The following ADRA1D variants were observed in gnomAD, a reference collection of about 807,000 sequenced individuals.
ADRA1D encodes the protein alpha-1D adrenergic receptor.
A neutral mutation model predicts 18.6 loss-of-function variants in ADRA1D; 22 were observed. That is an observed-to-expected ratio of 1.19 (90% confidence interval 0.85 to 1.69). The LOEUF is 1.69. Ranked by LOEUF, ADRA1D falls within the 40% of genes most tolerant of loss-of-function variation. The pLI is 0.00. For synonymous variants in ADRA1D, 376 were observed against 388.2 expected (o/e 0.97, Z 0.37); for missense variants, 840 against 840.7 (o/e 1.00, Z 0.01).
rs58789310 is a variant in ADRA1D at position 4,222,218 on chromosome 20, G to A, written c.1112-88C>T. 2.7e-6 allele frequency: 4 copies of A among 1,509,208 alleles called. No individual in the cohort carries two copies. Among genetic ancestry groups the A allele is most frequent in the Non-Finnish European group, 3.5e-6 (4 of 1,131,394 alleles). The allele number at this position is 1,509,208 out of a possible 1,614,324, so 93.5% of individuals were successfully genotyped here. ...GGCGCAAAGGGGAGACCCTTCAGTAGCCTTGGCTGAGTCATTGACTAGGAG... is the reference window on the plus strand; with the variant it reads ...GGCGCAAAGGGGAGACCCTTCAGTAACCTTGGCTGAGTCATTGACTAGGAG... On this transcript the variant is annotated intron_variant, in intron 1 of 1. Transcript: ENST00000379453. This position sits in a 1 kb window ranked among gnomAD's most constrained non-coding sequence, Gnocchi z 4.3.
chr20:4,237,262 G>A (rs961927118), intron 1 of ADRA1D, among the ~76,000 whole-genome samples: 3 of 152,054 alleles, frequency 2.0e-5, no homozygotes, highest in Non-Finnish European at 4.4e-5. Context: ...GAGACCCCTA[G>A]CTAGATGTGG....
chr20:4,222,272 G>A lies in ADRA1D; in HGVS notation c.1112-142C>T. 3 of 1,188,532 alleles carry A rather than the reference G, an allele frequency of 2.5e-6. No individual in the cohort carries two copies. The highest frequency in any genetic ancestry group is 3.4e-6 in the Non-Finnish European group (3 of 884,598). 73.6% of individuals were successfully genotyped at this position (1,188,532 alleles called of 1,614,324 possible). The stretch of plus-strand genomic sequence containing the variant: ...TCAAGGGATCCGTGCTGTAAATCAG[G>A]AGGTCCATGAACTTGGATAGAGAAA... On this transcript the variant is annotated intron_variant, in intron 1 of 1. Transcript: ENST00000379453. The surrounding 1 kb of genome is among the most constrained non-coding windows in gnomAD (Gnocchi z 4.3).
chr20:4,234,214 G>A (rs531215812), intron 1 of ADRA1D, among the ~76,000 whole-genome samples: 1 of 152,240 alleles, frequency 6.6e-6, no homozygotes, highest in Admixed American at 6.5e-5. Flanking sequence ...TGCAGGAGCT[G>A]CTGGGACGCT....
At chr20:4,236,504 A>G (rs1219699924) in intron 1 of ADRA1D, among the ~76,000 whole-genome samples, 1 of 152,182 alleles carries the variant, frequency 6.6e-6, no homozygotes, top group Admixed American at 6.5e-5. Context: ...CAGAGATGCC[A>G]CTTGCCAAGA....
chr20:4,246,579 G>A (rs1981341103), intron 1 of ADRA1D, among the ~76,000 whole-genome samples: 1 of 151,022 alleles, frequency 6.6e-6, no homozygotes, highest in Non-Finnish European at 1.5e-5. Flanking sequence ...GGAGGGCAGA[G>A]AGGGAGATGG....
chr20:4,233,277 AT>A (rs1308554824), intron 1 of ADRA1D, among the ~76,000 whole-genome samples: 1 of 152,116 alleles, frequency 6.6e-6, no homozygotes, highest in Non-Finnish European at 1.5e-5. Context: ...CCTGGGTAAC[AT>A]AGTAAAACTC....
At chr20:4,230,964 T>C (rs752692226) in intron 1 of ADRA1D, among the ~76,000 whole-genome samples, 2 of 152,234 alleles carry the variant, frequency 1.3e-5, no homozygotes, top group Non-Finnish European at 2.9e-5. Context: ...TCTATGTGAC[T>C]CTTGGTTTCT....
intron 1 of ADRA1D, among the ~76,000 whole-genome samples, chr20:4,234,832 C>T (rs898265695): frequency 2.0e-5 from 3 of 152,178 alleles, no homozygotes; most frequent in Non-Finnish European, 2.9e-5. Flanking sequence ...AAATTCCAGG[C>T]AGAGGGAAGA....
intron 1 of ADRA1D, among the ~76,000 whole-genome samples, chr20:4,245,999 A>G (rs1981328899): frequency 6.6e-6 from 1 of 152,228 alleles, no homozygotes; most frequent in Non-Finnish European, 1.5e-5. Flanking sequence ...ATGGCCCTAT[A>G]GATAGGCATG....
chr20:4,242,844 CA>C (rs1449055809), intron 1 of ADRA1D, among the ~76,000 whole-genome samples: 2 of 151,648 alleles, frequency 1.3e-5, no homozygotes, highest in African/African-American at 4.8e-5. Flanking sequence ...CTAGGAGTGA[CA>C]GGGGTGGGGC....
At chr20:4,238,604 C>T (rs1981149931) in intron 1 of ADRA1D, among the ~76,000 whole-genome samples, 1 of 152,148 alleles carries the variant, frequency 6.6e-6, no homozygotes, top group African/African-American at 2.4e-5. Context: ...TGAGGGCTGC[C>T]TCGAGGCAGC....
chr20:4,235,553 T>G (rs1981068788), intron 1 of ADRA1D, among the ~76,000 whole-genome samples: 1 of 152,276 alleles, frequency 6.6e-6, no homozygotes, highest in Admixed American at 6.5e-5. Context: ...GCTGCAGTTC[T>G]GCCCCACGGC....
At chr20:4,245,966 AC>A (rs1981327471) in intron 1 of ADRA1D, among the ~76,000 whole-genome samples, 1 of 152,192 alleles carries the variant, frequency 6.6e-6, no homozygotes, top group African/African-American at 2.4e-5. Context: ...TTGAGTATCC[AC>A]TACAAAAGCT....
Position 4,235,152 on chromosome 20 carries a change from G to T in ADRA1D, c.1111+12695C>A, listed in dbSNP as rs77573772. Among the ~76,000 whole-genome samples, 751 of 152,320 alleles carry T rather than the reference G, an allele frequency of 4.9e-3. 16 individuals are homozygous for T. In the East Asian group the frequency reaches 0.063, roughly 13 times the overall value. ...GGTAACTGACAGGGTCCTTTCACTT[G>T]AGATGCGCCGGGTGTAGGTCAGAAG... On this transcript the variant is annotated intron_variant, in intron 1 of 1. Coordinates refer to ENST00000379453, the MANE Select transcript of ADRA1D (RefSeq NM_000678.4).
chr20:4,230,957 A>T (rs777907863), intron 1 of ADRA1D, among the ~76,000 whole-genome samples: 1 of 151,874 alleles, frequency 6.6e-6, no homozygotes, highest in Non-Finnish European at 1.5e-5. Context: ...CATCTACTCT[A>T]TGTGACTCTT....
chr20:4,222,140 G>A lies in ADRA1D; in HGVS notation c.1112-10C>T, dbSNP rs1038888440. 1 of 1,611,424 alleles carries A rather than the reference G, an allele frequency of 6.2e-7. No homozygotes were observed. Among genetic ancestry groups the A allele is most frequent in the South Asian group, 1.1e-5 (1 of 91,020 alleles). On this transcript the variant is annotated splice_polypyrimidine_tract_variant and intron_variant, in intron 1 of 1. Transcript: ENST00000379453. The surrounding 1 kb of genome is among the most constrained non-coding windows in gnomAD (Gnocchi z 4.3). ...TGCGGGAACAAGGAGCCTGTAGGGA[G>A]CAGAGACCGATACTATTTAGCTGCT... is the stretch of plus-strand genomic sequence containing the variant.
In ADRA1D at chr20:4,220,686, G is replaced by A. The variant is rs1024136941; in HGVS notation, c.*837C>T. The A allele has an allele frequency of 1.3e-5, 2 of 152,436 alleles. No homozygotes were observed. The highest frequency in any genetic ancestry group is 4.8e-5 in the African/African-American group (2 of 41,302). 9.4% of individuals were successfully genotyped at this position (152,436 alleles called of 1,614,324 possible). A position where few individuals can be genotyped will look rare whatever the true frequency, so the allele number is the denominator to read the frequency against. On this transcript the variant is annotated 3_prime_UTR_variant, in exon 2 of 2. Coordinates refer to ENST00000379453, the MANE Select transcript of ADRA1D (RefSeq NM_000678.4). ...GGCCTTTAGTTCTTGACAGACTTTAGGGGAAAAAGTATTTTTTTTTTAATG... is the reference window on the plus strand; with the variant it reads ...GGCCTTTAGTTCTTGACAGACTTTAAGGGAAAAAGTATTTTTTTTTTAATG...
chr20:4,230,302 G>T (rs1442829239), intron 1 of ADRA1D, among the ~76,000 whole-genome samples: 8 of 152,212 alleles, frequency 5.3e-5, no homozygotes, highest in Non-Finnish European at 2.9e-5. Flanking sequence ...TTTGCTTGGT[G>T]CTGCATTCCC....
intron 1 of ADRA1D, among the ~76,000 whole-genome samples, chr20:4,231,064 T>TTCTTTCTTTCTTTCTTTCTTTCTCTC (rs1491147056): frequency 4.1e-5 from 4 of 98,020 alleles, no homozygotes; most frequent in African/African-American, 1.4e-4. Flanking sequence ...CTTTCTTTCT[T>TTCTTTCTTTCTTTCTTTCTTTCTCTC]TCTCTCTCTC....
Sources: allele counts gnomAD v4.1 joint callset (sites outside exome capture counted in the v4.1 genomes callset), GRCh38; gene constraint gnomAD v4.1.1; non-coding constraint Gnocchi (gnomAD v3.1); transcripts MANE v1.5; gene names NCBI Gene and HGNC (gene_info 2026-07-23, HGNC 2026-07-21).